ZFP2: variants seen among roughly 807,000 people sequenced by gnomAD.
ZFP2 encodes ZFP2 zinc finger protein, also known as zinc finger protein ZFP2.
ZFP2 carries 33 observed loss-of-function variants against 36.1 expected under a neutral mutation model. The ratio of observed to expected loss-of-function variants is 0.92; its 90% CI spans 0.69 to 1.22. The LOEUF is 1.22. ZFP2 is among the 50% of genes most tolerant of loss of function. ZFP2 has a pLI of 0.00. For missense variants in ZFP2, 522 were observed against 551.4 expected, an observed-to-expected ratio of 0.95 and a Z score of 0.53; for synonymous variants, 170 against 178.0, an observed-to-expected ratio of 0.96 and a Z score of 0.36.
intron 4 of ZFP2, among the ~76,000 whole-genome samples, chr5:178,921,171 G>T (rs1758553354): frequency 6.6e-6 from 1 of 152,112 alleles, no homozygotes; most frequent in African/African-American, 2.4e-5. Context: ...GCTGCTTAGG[G>T]GGTCAGATTC....
At chr5:178,896,819 A>G (rs1019980510) in intron 1 of ZFP2, among the ~76,000 whole-genome samples, 23 of 152,134 alleles carry the variant, frequency 1.5e-4, no homozygotes, top group Non-Finnish European at 3.1e-4. Flanking sequence ...GCATTTGGTA[A>G]GGGGTTTGAA....
At chr5:178,907,644 A>G (rs1387160631) in intron 1 of ZFP2, among the ~76,000 whole-genome samples, 6 of 152,102 alleles carry the variant, frequency 3.9e-5, no homozygotes, top group Non-Finnish European at 8.8e-5. Flanking sequence ...ATAAATAACA[A>G]TTCAAGCAGA....
chr5:178,909,053 G>T, intron 1 of ZFP2, among the ~76,000 whole-genome samples: 1 of 148,664 alleles, frequency 6.7e-6, no homozygotes, highest in Admixed American at 6.7e-5. Context: ...GGAATCCAGG[G>T]CTCAGGGCGT....
intron 4 of ZFP2, among the ~76,000 whole-genome samples, chr5:178,926,820 C>T (rs78079891): frequency 0.084 from 12,779 of 152,134 alleles, 670 homozygotes; most frequent in Non-Finnish European, 0.12. Context: ...GCCCGGCCAC[C>T]TGCTGGTATT....
In ZFP2 at chr5:178,931,937, T is replaced by C; in HGVS notation, c.624T>C (p.His208=). 6.2e-7 allele frequency: 1 copy of C among 1,614,010 alleles called. No homozygotes were observed. The highest frequency in any genetic ancestry group is 1.1e-5 in the South Asian group (1 of 91,082). The stretch of plus-strand genomic sequence containing the variant: ...CTCTTATTCAGCATGAAAGGATTCA[T>C]ACTGGAGAGAAACCCTACAAATGTA... ...NSSLIQHERI[H]TGEKPYKCNE... The change falls in exon 5 of 5, where the codon CAT becomes CAC. Residue 208 remains histidine (H), a synonymous_variant. Transcript: ENST00000361362.
chr5:178,917,028 G>A (rs1409132788), intron 4 of ZFP2, among the ~76,000 whole-genome samples: 1 of 152,160 alleles, frequency 6.6e-6, no homozygotes, highest in African/African-American at 2.4e-5. Context: ...ATCCAGAAGT[G>A]CTGTCCCTGG....
chr5:178,932,249 T>C lies in ZFP2; in HGVS notation c.936T>C (p.Tyr312=). 3 of 1,614,136 alleles carry C rather than the reference T, an allele frequency of 1.9e-6. No homozygotes were observed. Among genetic ancestry groups the C allele is most frequent in the Non-Finnish European group, 2.5e-6 (3 of 1,180,016 alleles). ...KCGKSFSQST[Y]LIEHQRLHSG... ...GGAAATCCTTTAGCCAAAGTACATA[T>C]CTTATAGAACATCAGAGACTTCATT... The change falls in exon 5 of 5, where the codon TAT becomes TAC. Residue 312 remains tyrosine, a synonymous_variant. Transcript: ENST00000361362.
chr5:178,910,086 A>C, intron 1 of ZFP2: 1 of 1,472,972 alleles, frequency 6.8e-7, no homozygotes, highest in South Asian at 1.1e-5. Flanking sequence ...GAGATCCTTG[A>C]ATTTATTCTC....
intron 4 of ZFP2, among the ~76,000 whole-genome samples, chr5:178,919,166 T>G (rs1463342671): frequency 8.4e-6 from 1 of 119,296 alleles, no homozygotes; most frequent in African/African-American, 3.0e-5. Context: ...CTAATATTTT[T>G]GTTTTTGAAC....
chr5:178,912,351 C>T (rs1758316497), intron 1 of ZFP2, among the ~76,000 whole-genome samples: 1 of 152,154 alleles, frequency 6.6e-6, no homozygotes, highest in African/African-American at 2.4e-5. Context: ...GAATCTAGAG[C>T]CGCCTTTAGT....
chr5:178,912,149 G>GAAAGA (rs376923952), intron 1 of ZFP2, among the ~76,000 whole-genome samples: 97 of 152,246 alleles, frequency 6.4e-4, no homozygotes, highest in Middle Eastern at 3.4e-3. Context: ...ATAGGAAAGA[G>GAAAGA]AAAGAAAAGA....
At chr5:178,927,663 A>ATG (rs33974182) in intron 4 of ZFP2, among the ~76,000 whole-genome samples, 12,433 of 91,832 alleles carry the variant, frequency 0.14, 741 homozygotes, top group Non-Finnish European at 0.18. Flanking sequence ...TACCTGGCCA[A>ATG]TGTGTGTGTG....
In ZFP2 at chr5:178,909,839, A is replaced by T. The variant is rs534092189; in HGVS notation, c.-449-2745A>T. 756 of 1,589,172 alleles carry T rather than the reference A, an allele frequency of 4.8e-4. 14 individuals carry two copies. The South Asian group carries it at 6.5e-3, about 14-fold the overall frequency. On this transcript the variant is annotated intron_variant, in intron 1 of 4. Coordinates refer to ENST00000361362, the MANE Select transcript of ZFP2 (RefSeq NM_030613.4). Reference sequence around the variant, plus strand: ...AGAGATTTGGCCAGGCCTCATCTTCACTGTGGTTGCTGAGGTCAGGGCCAA... The same window carrying T: ...AGAGATTTGGCCAGGCCTCATCTTCTCTGTGGTTGCTGAGGTCAGGGCCAA...
intron 1 of ZFP2, among the ~76,000 whole-genome samples, chr5:178,907,921 A>G (rs1243228577): frequency 6.6e-6 from 1 of 152,212 alleles, no homozygotes; most frequent in East Asian, 1.9e-4. Context: ...CACTTGACTG[A>G]CAGGTGCAGC....
rs1758877346 is a variant in ZFP2, at chr5:178,932,791, T to C, written c.*92T>C. The C allele has an allele frequency of 6.9e-7, 1 of 1,447,096 alleles. No homozygotes were observed. Among genetic ancestry groups the C allele is most frequent in the Non-Finnish European group, 9.2e-7 (1 of 1,085,440 alleles). 89.6% of individuals were successfully genotyped at this position (1,447,096 alleles called of 1,614,324 possible). A position where few individuals can be genotyped will look rare whatever the true frequency, so the allele number is the denominator to read the frequency against. ...GTAGAAACCTAATAAATGTAATGATTGTGGGAATCTTTCAGTTGAAGTACA... is the reference window on the plus strand; with the variant it reads ...GTAGAAACCTAATAAATGTAATGATCGTGGGAATCTTTCAGTTGAAGTACA... On this transcript the variant is annotated 3_prime_UTR_variant, in exon 5 of 5. Transcript: ENST00000361362.
chr5:178,926,376 A>G (rs1758669900), intron 4 of ZFP2, among the ~76,000 whole-genome samples: 1 of 152,174 alleles, frequency 6.6e-6, no homozygotes. Flanking sequence ...TTTGTCTAAT[A>G]GTGTAAATGG....
intron 1 of ZFP2, among the ~76,000 whole-genome samples, chr5:178,900,287 G>C (rs999611436): frequency 6.6e-6 from 1 of 152,102 alleles, no homozygotes; most frequent in Admixed American, 6.6e-5. Flanking sequence ...CAGAACTTTT[G>C]CATCACCCCA....
chr5:178,930,210 GAC>G (rs1758797086), intron 4 of ZFP2, among the ~76,000 whole-genome samples: 1 of 150,632 alleles, frequency 6.6e-6, no homozygotes. Context: ...TTTGGGTGGG[GAC>G]ACACATCCAA....
intron 1 of ZFP2, chr5:178,910,473 C>T: frequency 1.5e-6 from 1 of 681,048 alleles, no homozygotes; most frequent in Non-Finnish European, 2.7e-6. Flanking sequence ...CTTGGCATGC[C>T]ACAGGGTGGT....
Sources: allele counts gnomAD v4.1 joint callset (sites outside exome capture counted in the v4.1 genomes callset), GRCh38; gene constraint gnomAD v4.1.1; transcripts MANE v1.5; gene names NCBI Gene and HGNC (gene_info 2026-07-23, HGNC 2026-07-21).